TRDN: variants seen among roughly 807,000 people sequenced by gnomAD.
TRDN encodes triadin in skeletal muscle.
A neutral mutation model predicts 149.7 loss-of-function variants in TRDN; 161 were observed. The ratio of observed to expected loss-of-function variants is 1.08; its 90% confidence interval spans 0.95 to 1.23. The LOEUF (loss-of-function observed/expected upper bound fraction) is 1.23, where lower values mean the gene tolerates loss of function less well. TRDN is among the 50% of genes most tolerant of loss of function. The probability of loss-of-function intolerance (pLI) is 0.00; values close to 1 mark genes in which losing one functional copy is unlikely to be tolerated. For missense variants in TRDN, 896 were observed against 823.5 expected (o/e 1.09, Z -1.08); for synonymous variants, 294 against 250.5 (o/e 1.17, Z -1.64).
intron 24 of TRDN, among the ~76,000 whole-genome samples, chr6:123,280,980 TA>T (rs1218076404): frequency 6.6e-6 from 1 of 151,992 alleles, no homozygotes; most frequent in African/African-American, 2.4e-5. Flanking sequence ...ACAAATAAGG[TA>T]AAAAATTGAG....
At chr6:123,546,755 C>T (rs1231767531) in intron 4 of TRDN, among the ~76,000 whole-genome samples, 2 of 151,986 alleles carry the variant, frequency 1.3e-5, no homozygotes, top group Non-Finnish European at 2.9e-5. Context: ...GTGACCACTT[C>T]ACTCAGTCAC....
At chr6:123,593,066 G>A (rs550319084) in intron 1 of TRDN, among the ~76,000 whole-genome samples, 17 of 152,218 alleles carry the variant, frequency 1.1e-4, no homozygotes, top group Admixed American at 7.8e-4. Flanking sequence ...AATTAAACAT[G>A]TCTTCTTTCA....
chr6:123,460,540 C>T (rs138200562), intron 10 of TRDN, among the ~76,000 whole-genome samples: 1 of 152,020 alleles, frequency 6.6e-6, no homozygotes, highest in East Asian at 1.9e-4. Flanking sequence ...TATTTCTCCA[C>T]AAAACAAAGA....
chr6:123,309,952 T>C (rs1778754098), intron 24 of TRDN, among the ~76,000 whole-genome samples: 3 of 152,028 alleles, frequency 2.0e-5, no homozygotes, highest in Non-Finnish European at 1.5e-5. Flanking sequence ...TAAACAAATG[T>C]AAAGATGCAA....
intron 6 of TRDN, among the ~76,000 whole-genome samples, chr6:123,514,384 G>C (rs144235365): frequency 7.9e-5 from 12 of 152,162 alleles, no homozygotes; most frequent in African/African-American, 2.9e-4. Context: ...TTTTAAACTT[G>C]AGGAAAATAT....
chr6:123,279,093 G>A lies in TRDN; in HGVS notation c.1511-11C>T, dbSNP rs1346824687. The A allele has an allele frequency of 1.9e-6, 3 of 1,602,380 alleles. No individual in the cohort carries two copies. The African/African-American group carries it at 4.0e-5, about 22-fold the overall frequency. On this transcript the variant is annotated splice_polypyrimidine_tract_variant and intron_variant, in intron 24 of 40. Transcript: ENST00000334268. Reference sequence around the variant, plus strand: ...GCTTGACTTCTTTGCCTAGAAAAAAGTAAAAAAATTATTAAAGGCTGAGTC... The same window carrying A: ...GCTTGACTTCTTTGCCTAGAAAAAAATAAAAAAATTATTAAAGGCTGAGTC...
intron 38 of TRDN, among the ~76,000 whole-genome samples, chr6:123,248,855 A>G (rs1165888672): frequency 6.6e-6 from 1 of 152,136 alleles, no homozygotes; most frequent in African/African-American, 2.4e-5. Flanking sequence ...AGAACCCTCC[A>G]TAACTCAATC....
chr6:123,246,558 C>T (rs1438114530), intron 38 of TRDN, among the ~76,000 whole-genome samples: 5 of 151,168 alleles, frequency 3.3e-5, no homozygotes, highest in Non-Finnish European at 7.4e-5. Flanking sequence ...CTGAATAGAC[C>T]AATAAAACGT....
intron 1 of TRDN, among the ~76,000 whole-genome samples, chr6:123,578,673 T>C (rs1349160728): frequency 6.6e-6 from 1 of 152,206 alleles, no homozygotes; most frequent in African/African-American, 2.4e-5. Context: ...TTTAAAATAT[T>C]CTTCTAGTTC....
intron 21 of TRDN, among the ~76,000 whole-genome samples, chr6:123,346,915 C>T (rs1437844284): frequency 2.6e-5 from 4 of 151,780 alleles, no homozygotes; most frequent in Non-Finnish European, 4.4e-5. Flanking sequence ...TTCACAGAAA[C>T]ACTGGCATTT....
intron 1 of TRDN, among the ~76,000 whole-genome samples, chr6:123,609,296 T>C (rs558528158): frequency 6.3e-4 from 96 of 152,248 alleles, no homozygotes; most frequent in African/African-American, 2.2e-3. Context: ...TATTTACTGA[T>C]AGGAAAAAAT....
chr6:123,222,229 G>C (rs766174959), intron 39 of TRDN, among the ~76,000 whole-genome samples: 5 of 151,570 alleles, frequency 3.3e-5, no homozygotes, highest in Non-Finnish European at 4.4e-5. Flanking sequence ...ATGTGTGTTA[G>C]TGTGTGTGTT....
chr6:123,381,876 T>C (rs954832722), intron 15 of TRDN, among the ~76,000 whole-genome samples: 1 of 151,916 alleles, frequency 6.6e-6, no homozygotes, highest in Admixed American at 6.6e-5. Flanking sequence ...TTGGAAACAA[T>C]TACTGTGAAA....
chr6:123,576,537 C>T (rs1340013534), intron 1 of TRDN, among the ~76,000 whole-genome samples: 1 of 152,016 alleles, frequency 6.6e-6, no homozygotes, highest in Non-Finnish European at 1.5e-5. Context: ...TACCTACCCA[C>T]TCCATTCACT....
At chr6:123,461,623 T>C (rs1162986306) in intron 10 of TRDN, among the ~76,000 whole-genome samples, 1 of 152,206 alleles carries the variant, frequency 6.6e-6, no homozygotes, top group Non-Finnish European at 1.5e-5. Context: ...ATTTTGCTTA[T>C]ACAAGGATTT....
intron 12 of TRDN, among the ~76,000 whole-genome samples, chr6:123,419,832 G>A (rs1164629747): frequency 6.6e-6 from 1 of 152,150 alleles, no homozygotes; most frequent in African/African-American, 2.4e-5. Flanking sequence ...AATGGTCATT[G>A]AAACTTTGAC....
At chr6:123,358,124 G>C (rs181738590) in intron 20 of TRDN, among the ~76,000 whole-genome samples, 71 of 152,188 alleles carry the variant, frequency 4.7e-4, no homozygotes, top group African/African-American at 1.7e-3. Context: ...AAGATATCTG[G>C]AATATCCTTT....
chr6:123,547,787 A>T (rs1025728435), intron 3 of TRDN, among the ~76,000 whole-genome samples: 1 of 152,050 alleles, frequency 6.6e-6, no homozygotes, highest in Non-Finnish European at 1.5e-5. Context: ...GACCCTAAAA[A>T]GTGTTATCTA....
chr6:123,268,806 A>C (rs1777104765), intron 31 of TRDN, among the ~76,000 whole-genome samples: 2 of 152,046 alleles, frequency 1.3e-5, no homozygotes, highest in Admixed American at 6.6e-5. Context: ...TTCAAAATAA[A>C]AGAAAATGCA....
Sources: gnomAD v4.1 joint callset for allele counts (sites outside exome capture counted in the v4.1 genomes callset) on GRCh38, gnomAD v4.1.1 for gene constraint, MANE v1.5 for transcripts, NCBI Gene and HGNC (gene_info 2026-07-23, HGNC 2026-07-21) for gene names.